TMEM150C: variants seen among roughly 807,000 people sequenced by gnomAD.
The protein encoded by TMEM150C is tentonin 3.
Under a neutral mutation model 29.9 loss-of-function variants are expected in TMEM150C, and 10 were observed. The ratio of observed to expected loss-of-function variants is 0.33; its 90% confidence interval spans 0.21 to 0.57. The LOEUF is 0.57. Ranked by LOEUF, TMEM150C falls within the 20% of genes least tolerant of loss-of-function variation. TMEM150C has a pLI of 0.88. For missense variants in TMEM150C, 251 were observed against 303.6 expected, an observed-to-expected ratio of 0.83 and a Z score of 1.29; for synonymous variants, 101 against 112.5, an observed-to-expected ratio of 0.90 and a Z score of 0.64.
At chr4:82,549,889 C>A (rs1322666754) in intron 1 of TMEM150C, among the ~76,000 whole-genome samples, 1 of 152,116 alleles carries the variant, frequency 6.6e-6, no homozygotes, top group Non-Finnish European at 1.5e-5. Flanking sequence ...GAGAGAGGTA[C>A]AGGACCACAG....
chr4:82,528,029 A>G (rs1724710694), intron 1 of TMEM150C, among the ~76,000 whole-genome samples: 1 of 152,262 alleles, frequency 6.6e-6, no homozygotes, highest in Non-Finnish European at 1.5e-5. Flanking sequence ...GGCCAGTGCT[A>G]GAAATACAAA....
intron 6 of TMEM150C, among the ~76,000 whole-genome samples, chr4:82,493,116 T>G (rs955117930): frequency 2.0e-5 from 3 of 151,632 alleles, no homozygotes; most frequent in South Asian, 2.1e-4. Context: ...TGCTATTGCC[T>G]TCAGATGTTT....
At chr4:82,554,487 A>T (rs1332087955) in intron 1 of TMEM150C, among the ~76,000 whole-genome samples, 1 of 152,208 alleles carries the variant, frequency 6.6e-6, no homozygotes, top group East Asian at 1.9e-4. Flanking sequence ...TTTAAAAAAT[A>T]TATGTTAATT....
At chr4:82,533,038 G>A (rs902234902) in intron 1 of TMEM150C, among the ~76,000 whole-genome samples, 1 of 152,072 alleles carries the variant, frequency 6.6e-6, no homozygotes, top group African/African-American at 2.4e-5. Context: ...TCAAGTAAAC[G>A]TTTAATTGAC....
intron 1 of TMEM150C, among the ~76,000 whole-genome samples, chr4:82,540,858 A>C (rs1476552977): frequency 1.3e-5 from 2 of 152,212 alleles, no homozygotes; most frequent in Non-Finnish European, 2.9e-5. Flanking sequence ...CTACTCTCTT[A>C]GCAATTTTCA....
chr4:82,510,913 A>G (rs1183237700), intron 1 of TMEM150C, among the ~76,000 whole-genome samples: 1 of 152,162 alleles, frequency 6.6e-6, no homozygotes, highest in African/African-American at 2.4e-5. Context: ...GCAAGTGTGA[A>G]GGGCTTTTAT....
chr4:82,557,583 G>A (rs183156275), intron 1 of TMEM150C, among the ~76,000 whole-genome samples: 28 of 152,190 alleles, frequency 1.8e-4, no homozygotes, highest in African/African-American at 6.5e-4. Context: ...GACACGAGGG[G>A]CCAGGCATCT....
rs1162890256 is a variant in TMEM150C, at chr4:82,490,325, G to A, written c.364-87C>T. 13 of 1,150,034 alleles carry A rather than the reference G, an allele frequency of 1.1e-5. No individual in the cohort carries two copies. The Admixed American group carries it at 2.4e-4, about 21-fold the overall frequency. 71.2% of individuals were successfully genotyped at this position (1,150,034 alleles called of 1,614,324 possible). On this transcript the variant is annotated intron_variant, in intron 6 of 7. Transcript: ENST00000449862. ...AAGGAATGAATATATGAGGGGAAAA[G>A]ATAGGAAAAGAAATATCCCAATAAT...
intron 1 of TMEM150C, among the ~76,000 whole-genome samples, chr4:82,557,905 G>A (rs1162797470): frequency 6.6e-6 from 1 of 151,048 alleles, no homozygotes; most frequent in Non-Finnish European, 1.5e-5. Context: ...ATTTTTTTTT[G>A]TATTTTTAGT....
chr4:82,530,105 TAGAG>T (rs1215361548), intron 1 of TMEM150C, among the ~76,000 whole-genome samples: 1 of 148,966 alleles, frequency 6.7e-6, no homozygotes, highest in African/African-American at 2.5e-5. Context: ...TCTCTCTCTC[TAGAG>T]AGAGAGAGTG....
intron 1 of TMEM150C, among the ~76,000 whole-genome samples, chr4:82,554,565 C>T (rs1438064970): frequency 2.0e-5 from 3 of 152,066 alleles, no homozygotes; most frequent in Admixed American, 6.6e-5. Context: ...ATTTCTTTGG[C>T]AGTCAAGTCA....
intron 6 of TMEM150C, among the ~76,000 whole-genome samples, chr4:82,492,286 G>A (rs549170929): frequency 6.6e-6 from 1 of 151,758 alleles, no homozygotes; most frequent in South Asian, 2.1e-4. Context: ...ATGCCCCCAT[G>A]CCCAGCTAAT....
At chr4:82,557,845 C>G (rs541219994) in intron 1 of TMEM150C, among the ~76,000 whole-genome samples, 1 of 151,490 alleles carries the variant, frequency 6.6e-6, no homozygotes, top group East Asian at 2.0e-4. Flanking sequence ...AAGCGATTCT[C>G]CTGTCTCACC....
At chr4:82,522,310 A>G (rs1234097967) in intron 1 of TMEM150C, among the ~76,000 whole-genome samples, 1 of 152,220 alleles carries the variant, frequency 6.6e-6, no homozygotes, top group African/African-American at 2.4e-5. Flanking sequence ...AACACTGGAT[A>G]CTTTTGAAAT....
At chr4:82,507,723 CTCTCTTTTTTTTTTTTTTTT>C (rs537670555) in intron 1 of TMEM150C, among the ~76,000 whole-genome samples, 23,275 of 85,504 alleles carry the variant, frequency 0.27, 4,222 homozygotes, top group African/African-American at 0.41. Context: ...CTCTCTCTCT[CTCTCTTTTTTTTTTTTTTTT>C]TTTTTTTTTT....
intron 1 of TMEM150C, among the ~76,000 whole-genome samples, chr4:82,534,979 G>C (rs73833112): frequency 6.6e-6 from 1 of 152,138 alleles, no homozygotes; most frequent in South Asian, 2.1e-4. Context: ...TGAATAAACA[G>C]CACCAAGACA....
intron 5 of TMEM150C, among the ~76,000 whole-genome samples, chr4:82,501,750 C>T (rs1173969272): frequency 6.6e-6 from 1 of 152,150 alleles, no homozygotes; most frequent in Non-Finnish European, 1.5e-5. Context: ...AAGGTCTTCC[C>T]ATTCTTATAG....
At chr4:82,533,306 CTT>C (rs60891629) in intron 1 of TMEM150C, among the ~76,000 whole-genome samples, 2,641 of 152,278 alleles carry the variant, frequency 0.017, 70 homozygotes, top group African/African-American at 0.061. Flanking sequence ...CAGTTGCAAA[CTT>C]TTAGAGAAAA....
chr4:82,515,108 C>A (rs1724249729), intron 1 of TMEM150C, among the ~76,000 whole-genome samples: 1 of 152,038 alleles, frequency 6.6e-6, no homozygotes, highest in South Asian at 2.1e-4. Context: ...ACTAACTTAA[C>A]AGAACGATTC....
Sources: gnomAD v4.1 joint callset for allele counts (sites outside exome capture counted in the v4.1 genomes callset) on GRCh38, gnomAD v4.1.1 for gene constraint, MANE v1.5 for transcripts, NCBI Gene and HGNC (gene_info 2026-07-23, HGNC 2026-07-21) for gene names.